The following IFIT1B variants were observed in gnomAD, a reference collection of about 807,000 sequenced individuals.
IFIT1B encodes interferon induced protein with tetratricopeptide repeats 1B, also known as protein IFIT1 homolog B.
IFIT1B carries 3 observed loss-of-function variants against 2.5 expected under a neutral mutation model. That is an observed-to-expected ratio of 1.21 (90% CI 0.55 to 3.14). IFIT1B has a LOEUF of 3.14. Among genes scored for constraint, IFIT1B ranks in the 30% most tolerant of loss-of-function variants. The pLI is 0.03. For missense variants in IFIT1B, 545 were observed against 556.5 expected (o/e 0.98, Z 0.21); for synonymous variants, 196 against 203.0 (o/e 0.97, Z 0.29).
At chr10:89,383,202 G>C in intron 1 of IFIT1B, 117 bp from the exon 2 acceptor site, 1 of 894,716 alleles carries the variant, frequency 1.1e-6, no homozygotes, top group East Asian at 2.6e-5. Flanking sequence ...AGGGGCACCA[G>C]ATAATGGAGG....
chr10:89,383,526 C>G lies in IFIT1B; in HGVS notation c.213C>G (p.Ala71=), dbSNP rs1468846010. 1 of 1,614,112 alleles carries G rather than the reference C, an allele frequency of 6.2e-7. No individual in the cohort carries two copies. Among genetic ancestry groups the G allele is most frequent in the Non-Finnish European group, 8.5e-7 (1 of 1,180,030 alleles). Residue 71 remains alanine, a synonymous_variant, in exon 2 of 2, where the codon GCC becomes GCG. Transcript: ENST00000371809. The part of the protein sequence containing the change: ...VKHLKGQNEE[A]LVSLKKAEDL... ...ACCTGAAAGGCCAGAATGAGGAAGC[C>G]CTGGTCAGCTTGAAAAAGGCTGAAG...
chr10:89,379,074 G>A (rs1216846387), intron 1 of IFIT1B, among the ~76,000 whole-genome samples: 1 of 152,156 alleles, frequency 6.6e-6, no homozygotes, highest in Non-Finnish European at 1.5e-5. Context: ...TTGATAAATT[G>A]GTTAAATTCA....
intron 1 of IFIT1B, among the ~76,000 whole-genome samples, chr10:89,380,074 T>G (rs1844151841): frequency 6.6e-6 from 1 of 151,860 alleles, no homozygotes; most frequent in African/African-American, 2.4e-5. Flanking sequence ...TGTGTCTGCA[T>G]CTGTGGAGTT....
intron 1 of IFIT1B, 68 bp downstream of exon 1, chr10:89,378,208 G>T: frequency 6.4e-7 from 1 of 1,569,902 alleles, no homozygotes; most frequent in Non-Finnish European, 8.8e-7. Context: ...TTTCCTTAAG[G>T]GCCAATTTTT....
intron 1 of IFIT1B, among the ~76,000 whole-genome samples, chr10:89,379,317 C>T (rs1313814119): frequency 6.6e-6 from 1 of 152,174 alleles, no homozygotes; most frequent in South Asian, 2.1e-4. Context: ...AACCTGCTGA[C>T]TCAGAAACTC....
Position 89,384,482 on chromosome 10 carries a change from A to T in IFIT1B, c.1169A>T (p.His390Leu). The change falls in exon 2 of 2, where the codon CAT (histidine) becomes CTT (leucine). Residue 390 changes from histidine (H) to leucine (L), a missense_variant. Coordinates refer to ENST00000371809, the MANE Select transcript of IFIT1B (RefSeq NM_001010987.2). ...TACCACTACGGCCGTTTCCAAGAACATCATGGGAAATCTCAAGATAAAGCA... is the reference window on the plus strand; with the variant it reads ...TACCACTACGGCCGTTTCCAAGAACTTCATGGGAAATCTCAAGATAAAGCA... ...IHYHYGRFQE[H>L]HGKSQDKAIT... The T allele has an allele frequency of 6.2e-7, 1 of 1,614,234 alleles. No homozygotes were observed. Among genetic ancestry groups the T allele is most frequent in the Non-Finnish European group, 8.5e-7 (1 of 1,180,042 alleles).
intron 1 of IFIT1B, among the ~76,000 whole-genome samples, chr10:89,381,913 G>A (rs915787374): frequency 6.6e-6 from 1 of 152,080 alleles, no homozygotes; most frequent in African/African-American, 2.4e-5. Flanking sequence ...AGCCTCCAGA[G>A]TAGCTGGGAC....
Position 89,383,788 on chromosome 10 carries a change from C to T in IFIT1B, c.475C>T (p.Arg159Trp), listed in dbSNP as rs1244317367. Residue 159 changes from arginine to tryptophan, a missense_variant, in exon 2 of 2, where the codon CGG (arginine) becomes TGG (tryptophan). Coordinates refer to ENST00000371809, the MANE Select transcript of IFIT1B (RefSeq NM_001010987.2). Reference protein sequence around the residue: ...LAKCGGKNYERAKTCFEKALE... With the variant: ...LAKCGGKNYEWAKTCFEKALE... Reference sequence around the variant, plus strand: ...GAAGTGTGGTGGAAAGAATTATGAACGGGCCAAGACCTGCTTTGAAAAGGC... The same window carrying T: ...GAAGTGTGGTGGAAAGAATTATGAATGGGCCAAGACCTGCTTTGAAAAGGC... The T allele has an allele frequency of 1.2e-5, 20 of 1,614,000 alleles. No individual in the cohort carries two copies. The highest frequency in any genetic ancestry group is 2.2e-5 in the East Asian group (1 of 44,894).
intron 1 of IFIT1B, among the ~76,000 whole-genome samples, chr10:89,378,648 A>C (rs1320493896): frequency 1.3e-5 from 2 of 152,236 alleles, no homozygotes; most frequent in African/African-American, 4.8e-5. Flanking sequence ...AAAGTAAAAA[A>C]TAAAAGAGTT....
chr10:89,382,244 C>A (rs1381202663), intron 1 of IFIT1B, among the ~76,000 whole-genome samples: 2 of 152,032 alleles, frequency 1.3e-5, no homozygotes, highest in Admixed American at 1.3e-4. Context: ...CATAATGGTC[C>A]TCTCTGAAAT....
At chr10:89,380,583 A>G (rs1176592898) in intron 1 of IFIT1B, among the ~76,000 whole-genome samples, 5 of 151,998 alleles carry the variant, frequency 3.3e-5, no homozygotes, top group Non-Finnish European at 7.4e-5. Flanking sequence ...ACTGGTGTGC[A>G]TCGCCAGGCC....
In IFIT1B at chr10:89,384,085, G is replaced by A. The variant is rs770613588; in HGVS notation, c.772G>A (p.Ala258Thr). Residue 258 changes from alanine (A) to threonine (T), a missense_variant, in exon 2 of 2, where the codon GCC becomes ACC. Transcript: ENST00000371809. ...SSQAYVFQYA[A>T]KFYRRKGSVD... ...ACAGGCCTATGTCTTTCAATATGCA[G>A]CCAAGTTTTATCGAAGAAAAGGGTC... The A allele has an allele frequency of 6.2e-7, 1 of 1,614,156 alleles. No homozygotes were observed. Among genetic ancestry groups the A allele is most frequent in the Non-Finnish European group, 8.5e-7 (1 of 1,180,020 alleles).
intron 1 of IFIT1B, among the ~76,000 whole-genome samples, chr10:89,382,001 C>A (rs1458839768): frequency 1.3e-5 from 2 of 152,218 alleles, no homozygotes; most frequent in East Asian, 3.9e-4. Context: ...AACTCCTGAG[C>A]TCAGGCAATC....
At position 89,384,241 on chromosome 10, in the gene IFIT1B, C is replaced by T. The variant is rs761288009; in HGVS notation, c.928C>T (p.Pro310Ser). Residue 310 changes from proline to serine, a missense_variant, in exon 2 of 2, where the codon CCT becomes TCT. Physicochemically the swap from Pro to Ser is moderately conservative, Grantham distance 74. Transcript: ENST00000371809. Reference protein sequence around the residue: ...IQIKEATNWQPRGQDRETVDR... With the variant: ...IQIKEATNWQSRGQDRETVDR... ...AATCAAGGAAGCTACAAACTGGCAG[C>T]CTAGAGGGCAAGATAGGGAAACTGT... 1 of 1,614,138 alleles carries T rather than the reference C, an allele frequency of 6.2e-7. No individual in the cohort carries two copies. The highest frequency in any genetic ancestry group is 8.5e-7 in the Non-Finnish European group (1 of 1,180,022).
Position 89,384,670 on chromosome 10 carries a change from G to GT in IFIT1B, c.1358dup (p.Ser454LysfsTer2), listed in dbSNP as rs1383504142. 4 of 1,614,120 alleles carry GT rather than the reference G, an allele frequency of 2.5e-6. No homozygotes were observed. Among genetic ancestry groups the GT allele is most frequent in the Non-Finnish European group, 3.4e-6 (4 of 1,180,062 alleles). On this transcript the variant is annotated frameshift_variant, in exon 2 of 2. Transcript: ENST00000371809. LOFTEE classifies it low-confidence loss of function (END_TRUNC). ...GCTTATCCACAAATTGAAAGGAGAA[G>GT]TAAGTGATGCTTTGCTGTGCTATGA... is the stretch of plus-strand genomic sequence containing the variant.
Position 89,384,934 on chromosome 10 carries a change from T to G in IFIT1B, c.*196T>G, listed in dbSNP as rs1844194466. On this transcript the variant is annotated 3_prime_UTR_variant, in exon 2 of 2. Transcript: ENST00000371809. ...CTGTAAATGATCAGGAAAGGCCTTG[T>G]GGCACCAGACATAAGACCCCCTGAA... 9.0e-6 allele frequency: 5 copies of G among 553,994 alleles called. No individual in the cohort carries two copies. The highest frequency in any genetic ancestry group is 1.6e-5 in the Non-Finnish European group (5 of 314,660). The allele number at this position is 553,994 out of a possible 1,614,324, so 34.3% of individuals were successfully genotyped here.
chr10:89,382,118 C>A (rs999662164), intron 1 of IFIT1B, among the ~76,000 whole-genome samples: 1 of 151,952 alleles, frequency 6.6e-6, no homozygotes, highest in Non-Finnish European at 1.5e-5. Flanking sequence ...TTTCATCATC[C>A]ATTTTTTGTG....
chr10:89,379,912 G>A lies in IFIT1B; in HGVS notation c.5+1772G>A, dbSNP rs571074764. Among the ~76,000 whole-genome samples the A allele has an allele frequency of 1.4e-4, 21 of 152,124 alleles. No homozygotes were observed. In the South Asian group the frequency reaches 4.2e-3, roughly 30 times the overall value. On this transcript the variant is annotated intron_variant, in intron 1 of 1. Coordinates refer to ENST00000371809, the MANE Select transcript of IFIT1B (RefSeq NM_001010987.2). Reference sequence around the variant, plus strand: ...TAGCCGGGAGTGGTGGCGGGCGCCTGTAGTCCCAGCTACTCAGGAGGCTGA... The same window carrying A: ...TAGCCGGGAGTGGTGGCGGGCGCCTATAGTCCCAGCTACTCAGGAGGCTGA...
chr10:89,383,849 C>A lies in IFIT1B; in HGVS notation c.536C>A (p.Thr179Asn). The change falls in exon 2 of 2, where the codon ACT becomes AAT. Residue 179 changes from threonine (T) to asparagine (N), a missense_variant. Physicochemically the swap from Thr to Asn is moderately conservative, Grantham distance 65. Transcript: ENST00000371809. ...EGNPENPEFN[T>N]GYAITVYRLD... The stretch of plus-strand genomic sequence containing the variant: ...AACCCTGAAAACCCTGAATTCAATA[C>A]TGGGTACGCAATCACCGTCTATCGC... 6.2e-7 allele frequency: 1 copy of A among 1,614,226 alleles called. No homozygotes were observed. The highest frequency in any genetic ancestry group is 8.5e-7 in the Non-Finnish European group (1 of 1,180,038).
Sources: gnomAD v4.1 joint callset for allele counts (sites outside exome capture counted in the v4.1 genomes callset) on GRCh38, gnomAD v4.1.1 for gene constraint, MANE v1.5 for transcripts, NCBI Gene and HGNC (gene_info 2026-07-23, HGNC 2026-07-21) for gene names.